The following SRP54 variants were observed in gnomAD, a reference collection of about 807,000 sequenced individuals.
SRP54 encodes signal recognition particle subunit SRP54.
SRP54 carries 10 observed loss-of-function variants against 64.8 expected under a neutral mutation model. The ratio of observed to expected loss-of-function variants is 0.15; its 90% CI spans 0.10 to 0.26. The LOEUF (loss-of-function observed/expected upper bound fraction) is 0.26. SRP54 is among the 10% of genes least tolerant of loss of function. SRP54 has a pLI of 1.00. For synonymous variants in SRP54, 193 were observed against 185.6 expected, an observed-to-expected ratio of 1.04 and a Z score of -0.32; for missense variants, 325 against 613.7, an observed-to-expected ratio of 0.53 and a Z score of 4.97.
chr14:35,020,033 A>C (rs894218195), intron 13 of SRP54, among the ~76,000 whole-genome samples: 144 of 151,988 alleles, frequency 9.5e-4, no homozygotes, highest in African/African-American at 3.3e-3. Flanking sequence ...AAATACAAAA[A>C]AATTAGCCGG....
rs200611794 is a variant in SRP54 at position 35,015,313 on chromosome 14, T to TG, written c.973+484dup. On this transcript the variant is annotated intron_variant, in intron 11 of 15. Coordinates refer to ENST00000216774, the MANE Select transcript of SRP54 (RefSeq NM_003136.4). ...CTGGTCTTGAACTGCTGACCTCAGG[T>TG]GATCCACCCACCTCAGCCTCCCAAA... Among the ~76,000 whole-genome samples, 790 of 152,286 alleles carry TG rather than the reference T, an allele frequency of 5.2e-3. 26 individuals are homozygous for TG. Among genetic ancestry groups the TG allele is most frequent in the Admixed American group, 0.046 (697 of 15,280 alleles).
intron 10 of SRP54, among the ~76,000 whole-genome samples, chr14:35,014,106 T>C: frequency 6.6e-6 from 1 of 151,990 alleles, no homozygotes; most frequent in Non-Finnish European, 1.5e-5. Flanking sequence ...AGAAAGTTCT[T>C]TGGAAAAGTT....
Position 34,988,594 on chromosome 14 carries a change from T to TATATAA in SRP54, c.-34+5380_-34+5381insTATAAA, listed in dbSNP as rs1420297304. The stretch of plus-strand genomic sequence containing the variant: ...AAAAAAAAAAATATATATATATATA[T>TATATAA]AACATATATATATATAATGTATATA... On this transcript the variant is annotated intron_variant, in intron 1 of 15. Coordinates refer to ENST00000216774, the MANE Select transcript of SRP54 (RefSeq NM_003136.4). Among the ~76,000 whole-genome samples the TATATAA allele has an allele frequency of 1.8e-3, 219 of 119,328 alleles. 8 individuals are homozygous for TATATAA. The highest frequency in any genetic ancestry group is 6.4e-3 in the African/African-American group (212 of 33,132). 78.3% of individuals were successfully genotyped at this position (119,328 alleles called of 152,430 possible).
chr14:35,002,941 T>G (rs1345984326), intron 4 of SRP54, among the ~76,000 whole-genome samples: 2 of 151,888 alleles, frequency 1.3e-5, no homozygotes, highest in African/African-American at 4.8e-5. Flanking sequence ...AGACAAGGTT[T>G]TGCCATGTTG....
At position 35,028,277 on chromosome 14, in the gene SRP54, T is replaced by C. The variant is rs768139638; in HGVS notation, c.1423+94T>C. 1.7e-4 allele frequency: 127 copies of C among 761,880 alleles called. 2 individuals are homozygous for C. The highest frequency in any genetic ancestry group is 2.4e-4 in the Non-Finnish European group (115 of 476,256). The allele number at this position is 761,880 out of a possible 1,614,324, so 47.2% of individuals were successfully genotyped here. ...CTTTTATTGTAATATTATGAAAATATGTTCAAAAGGTGTGTGATTTCAGGG... is the reference window on the plus strand; with the variant it reads ...CTTTTATTGTAATATTATGAAAATACGTTCAAAAGGTGTGTGATTTCAGGG... On this transcript the variant is annotated intron_variant, in intron 15 of 15. Coordinates refer to ENST00000216774, the MANE Select transcript of SRP54 (RefSeq NM_003136.4).
chr14:34,999,319 A>T (rs554268359), intron 2 of SRP54, among the ~76,000 whole-genome samples: 2 of 152,136 alleles, frequency 1.3e-5, no homozygotes, highest in East Asian at 3.9e-4. Flanking sequence ...CGGGCCTATA[A>T]TTACTTTTAT....
intron 13 of SRP54, among the ~76,000 whole-genome samples, chr14:35,020,873 G>C (rs970396376): frequency 4.6e-5 from 7 of 152,164 alleles, no homozygotes; most frequent in Non-Finnish European, 7.3e-5. Flanking sequence ...CAGGGAAGTT[G>C]AGTAATTTGC....
chr14:34,987,426 A>G (rs1171778518), intron 1 of SRP54, among the ~76,000 whole-genome samples: 1 of 151,790 alleles, frequency 6.6e-6, no homozygotes, highest in African/African-American at 2.4e-5. Context: ...CCCCATACCT[A>G]TTAGCAATCA....
chr14:35,018,532 A>G, intron 11 of SRP54, 160 bp from the exon 12 acceptor site: 1 of 614,240 alleles, frequency 1.6e-6, no homozygotes, highest in African/African-American at 1.9e-5. Context: ...CCCAGCATTC[A>G]TCCTGTCATC....
At chr14:35,014,712 A>T in intron 10 of SRP54, 32 bp from the exon 11 acceptor site, 1 of 1,486,558 alleles carries the variant, frequency 6.7e-7, no homozygotes, top group Non-Finnish European at 9.4e-7. Context: ...GTATAGTATT[A>T]GTTGTTAATT....
At position 35,028,131 on chromosome 14, in the gene SRP54, A is replaced by G. The variant is rs1365253019; in HGVS notation, c.1371A>G (p.Lys457=). ...SKNVSQSQMA[K]LNQQMAKMMD... is the part of the protein sequence containing the mutation. ...ATGTGAGCCAGTCACAGATGGCAAA[A>G]TTGAACCAACAAATGGCCAAAATGA... The change falls in exon 15 of 16, where the codon AAA becomes AAG. Residue 457 remains lysine, a synonymous_variant. Coordinates refer to ENST00000216774, the MANE Select transcript of SRP54 (RefSeq NM_003136.4). 3 of 1,613,598 alleles carry G rather than the reference A, an allele frequency of 1.9e-6. No individual in the cohort carries two copies. The highest frequency in any genetic ancestry group is 1.7e-6 in the Non-Finnish European group (2 of 1,179,754).
rs1391870946 is a variant in SRP54, at chr14:35,010,691, G to A, written c.486-818G>A. 2.5e-4 allele frequency among the ~76,000 whole-genome samples: 38 copies of A among 151,936 alleles called. 1 individual carries two copies. Among genetic ancestry groups the A allele is most frequent in the Admixed American group, 2.4e-3 (37 of 15,230 alleles). ...GAGGCACGAGAATCCCTTGAACCCA[G>A]GAGGCAGAAGTGGCAGTGAGCCGAG... is the stretch of plus-strand genomic sequence containing the variant. On this transcript the variant is annotated intron_variant, in intron 7 of 15. Transcript: ENST00000216774.
intron 15 of SRP54, among the ~76,000 whole-genome samples, chr14:35,028,683 T>C (rs2044673598): frequency 6.6e-6 from 1 of 152,234 alleles, no homozygotes; most frequent in South Asian, 2.1e-4. Flanking sequence ...TTATTTTCTT[T>C]TTGTAAGTCC....
chr14:35,005,267 A>T (rs1024089807), intron 4 of SRP54, among the ~76,000 whole-genome samples: 3 of 152,198 alleles, frequency 2.0e-5, no homozygotes, highest in Non-Finnish European at 4.4e-5. Flanking sequence ...CAAGAGTTCG[A>T]GACTGCAGTA....
At chr14:34,993,107 G>A (rs2044007819) in intron 1 of SRP54, 1 of 152,214 alleles carries the variant, frequency 6.6e-6, no homozygotes, top group South Asian at 2.1e-4. Flanking sequence ...CAATCTGCCT[G>A]CCTTGGCCTC....
chr14:35,007,193 C>G (rs1046231050), intron 4 of SRP54, 90 bp from the exon 5 acceptor site: 5 of 825,482 alleles, frequency 6.1e-6, no homozygotes, highest in Admixed American at 2.3e-5. Context: ...GACCCTGTCT[C>G]AAAAAAGGAA....
chr14:35,013,021 G>T (rs1001363311), intron 8 of SRP54, among the ~76,000 whole-genome samples: 2 of 143,104 alleles, frequency 1.4e-5, no homozygotes, highest in African/African-American at 5.2e-5. Context: ...TCAGCTGACT[G>T]CAACCTCTGC....
At chr14:35,006,909 G>A (rs1275774251) in intron 4 of SRP54, among the ~76,000 whole-genome samples, 1 of 152,188 alleles carries the variant, frequency 6.6e-6, no homozygotes, top group Non-Finnish European at 1.5e-5. Flanking sequence ...TTTAAAAGTT[G>A]TGGCAGCACA....
At chr14:35,020,011 C>T (rs1164593508) in intron 13 of SRP54, among the ~76,000 whole-genome samples, 5 of 152,072 alleles carry the variant, frequency 3.3e-5, no homozygotes, top group African/African-American at 7.2e-5. Context: ...GGTAAAACCC[C>T]GTTTCTACTA....
Sources: gnomAD v4.1 joint callset for allele counts (sites outside exome capture counted in the v4.1 genomes callset) on GRCh38, gnomAD v4.1.1 for gene constraint, MANE v1.5 for transcripts, NCBI Gene and HGNC (gene_info 2026-07-23, HGNC 2026-07-21) for gene names.